Variants in CADM2 observed in about 807,000 individuals in gnomAD.
CADM2 encodes immunoglobulin superfamily member 4D.
CADM2 carries 12 observed loss-of-function variants against 49.8 expected under a neutral mutation model. The observed-to-expected ratio is 0.24, with a 90% confidence interval of 0.15 to 0.39. CADM2 has a LOEUF of 0.39. Among genes scored for constraint, CADM2 ranks in the 10% least tolerant of loss-of-function variants. CADM2 has a pLI of 1.00. For missense variants in CADM2, 378 were observed against 492.3 expected (o/e 0.77, Z 2.20); for synonymous variants, 214 against 175.4 (o/e 1.22, Z -1.74).
At chr3:85,361,622 A>G (rs1194399388) in intron 1 of CADM2, among the ~76,000 whole-genome samples, 1 of 152,130 alleles carries the variant, frequency 6.6e-6, no homozygotes, top group East Asian at 1.9e-4. Flanking sequence ...TGAGCCTTGC[A>G]TGTGAGAGGG....
chr3:86,030,786 G>A (rs1734469717), intron 8 of CADM2, among the ~76,000 whole-genome samples: 1 of 151,860 alleles, frequency 6.6e-6, no homozygotes, highest in African/African-American at 2.4e-5. Context: ...GATAAATAAA[G>A]AAAGGCATAG....
chr3:84,984,226 A>T (rs905177064), intron 1 of CADM2, among the ~76,000 whole-genome samples: 2 of 151,894 alleles, frequency 1.3e-5, no homozygotes, highest in African/African-American at 4.8e-5. Context: ...ATGTGTAGGC[A>T]CACAAAAGTG....
At chr3:85,530,913 C>CACACAA (rs1299772152) in intron 1 of CADM2, among the ~76,000 whole-genome samples, 3 of 122,700 alleles carry the variant, frequency 2.4e-5, no homozygotes, top group Non-Finnish European at 4.8e-5. Context: ...CACACACACA[C>CACACAA]AAAATTCATT....
At chr3:86,036,197 C>CTTAATATACTAAGTCT in intron 8 of CADM2, among the ~76,000 whole-genome samples, 1 of 152,058 alleles carries the variant, frequency 6.6e-6, no homozygotes, top group Non-Finnish European at 1.5e-5. Flanking sequence ...AGTCTATGCC[C>CTTAATATACTAAGTCT]ACAGGAGAAC....
intron 1 of CADM2, among the ~76,000 whole-genome samples, chr3:84,984,941 T>G (rs1053978274): frequency 2.0e-5 from 3 of 152,200 alleles, no homozygotes; most frequent in African/African-American, 7.2e-5. Context: ...CAGAGCTTTA[T>G]GAGACGGTGT....
At chr3:85,522,467 A>C (rs1174378156) in intron 1 of CADM2, among the ~76,000 whole-genome samples, 3 of 152,202 alleles carry the variant, frequency 2.0e-5, no homozygotes, top group Non-Finnish European at 4.4e-5. Context: ...AGGTAATTCC[A>C]TTAAATAAAG....
chr3:85,997,733 T>C (rs79905876), intron 8 of CADM2, among the ~76,000 whole-genome samples: 6,486 of 152,224 alleles, frequency 0.043, 438 homozygotes, highest in African/African-American at 0.15. Context: ...TTGTTTTTCA[T>C]GCATTTCTAA....
chr3:85,336,971 ATATATTTAAT>A lies in CADM2; in HGVS notation c.61+377304_61+377313del, dbSNP rs1283493995. ...TATATATTTAATATATATATTAAAT[ATATATTTAAT>A]ATATATATATTTAATATATATTAAA... is the stretch of plus-strand genomic sequence containing the variant. On this transcript the variant is annotated intron_variant, in intron 1 of 9. Coordinates refer to ENST00000383699, the MANE Select transcript of CADM2 (RefSeq NM_001167675.2). Among the ~76,000 whole-genome samples, 57 of 16,434 alleles carry A rather than the reference ATATATTTAAT, an allele frequency of 3.5e-3. 1 individual carries two copies. The highest frequency in any genetic ancestry group is 0.032 in the Non-Finnish European group (51 of 1,594). The allele number at this position is 16,434 out of a possible 152,430, so 10.8% of individuals were successfully genotyped here.
chr3:85,786,073 T>A (rs915799556), intron 2 of CADM2, among the ~76,000 whole-genome samples: 5 of 152,054 alleles, frequency 3.3e-5, no homozygotes, highest in African/African-American at 1.2e-4. Context: ...GAAGTGACCA[T>A]TGGCTTTGCT....
chr3:85,470,701 G>A (rs2038729608), intron 1 of CADM2, among the ~76,000 whole-genome samples: 1 of 152,112 alleles, frequency 6.6e-6, no homozygotes, highest in South Asian at 2.1e-4. Flanking sequence ...GGAATGTGTT[G>A]CTGGATTTTA....
At chr3:85,295,393 G>T (rs2043930664) in intron 1 of CADM2, among the ~76,000 whole-genome samples, 1 of 152,152 alleles carries the variant, frequency 6.6e-6, no homozygotes, top group Non-Finnish European at 1.5e-5. Context: ...CGATTCCTCA[G>T]GGATCTAGAA....
At chr3:86,005,277 C>A (rs376867975) in intron 8 of CADM2, among the ~76,000 whole-genome samples, 3 of 152,024 alleles carry the variant, frequency 2.0e-5, no homozygotes, top group African/African-American at 7.2e-5. Context: ...TGTGGCCGGG[C>A]GTGGTGGCTC....
At chr3:85,967,601 T>A (rs1393270932) in intron 8 of CADM2, among the ~76,000 whole-genome samples, 1 of 151,664 alleles carries the variant, frequency 6.6e-6, no homozygotes, top group Non-Finnish European at 1.5e-5. Flanking sequence ...CATGTCATGA[T>A]TATCAATGAT....
At chr3:85,694,667 T>C (rs1214163510) in intron 1 of CADM2, among the ~76,000 whole-genome samples, 2 of 152,252 alleles carry the variant, frequency 1.3e-5, no homozygotes, top group Non-Finnish European at 2.9e-5. Context: ...ATTAAATATT[T>C]ATTGAACACC....
At chr3:85,017,649 T>C (rs1382616000) in intron 1 of CADM2, among the ~76,000 whole-genome samples, 1 of 152,186 alleles carries the variant, frequency 6.6e-6, no homozygotes, top group Non-Finnish European at 1.5e-5. Context: ...ACAGCCTTTT[T>C]CACCTTGCCT....
chr3:85,926,770 A>G (rs1719931755), intron 6 of CADM2, among the ~76,000 whole-genome samples: 1 of 152,260 alleles, frequency 6.6e-6, no homozygotes, highest in Middle Eastern at 3.4e-3. Context: ...CAATGAGGAA[A>G]ACGATGTGAG....
chr3:85,146,870 C>A (rs185611289), intron 1 of CADM2, among the ~76,000 whole-genome samples: 3 of 151,716 alleles, frequency 2.0e-5, no homozygotes, highest in Non-Finnish European at 2.9e-5. Flanking sequence ...TTCTTAAATG[C>A]GATCCTGCAA....
chr3:85,672,913 G>C (rs1577061157), intron 1 of CADM2, among the ~76,000 whole-genome samples: 1 of 152,180 alleles, frequency 6.6e-6, no homozygotes, highest in East Asian at 1.9e-4. Flanking sequence ...AAAGCCTGGT[G>C]AAAGCAGAAT....
Position 85,961,379 on chromosome 3 carries a change from A to G in CADM2, c.792-90A>G, listed in dbSNP as rs892593299. On this transcript the variant is annotated intron_variant, in intron 7 of 9. Transcript: ENST00000383699. ...TAGCATATGGTTGTGTACAAAATAC[A>G]TGTTAAATATTAAAAAATTGATTTA... 4.0e-5 allele frequency: 44 copies of G among 1,105,634 alleles called. No homozygotes were observed. In the Middle Eastern group the frequency reaches 8.8e-4, roughly 22 times the overall value. 68.5% of individuals were successfully genotyped at this position (1,105,634 alleles called of 1,614,324 possible). A position where few individuals can be genotyped will look rare whatever the true frequency, so the allele number is the denominator to read the frequency against.
Sources: allele counts gnomAD v4.1 joint callset (sites outside exome capture counted in the v4.1 genomes callset), GRCh38; gene constraint gnomAD v4.1.1; transcripts MANE v1.5; gene names NCBI Gene and HGNC (gene_info 2026-07-23, HGNC 2026-07-21).